NBAS: variants seen among roughly 807,000 people sequenced by gnomAD.
The protein encoded by NBAS is NAG/BC035112 fusion.
Under a neutral mutation model 302.5 loss-of-function variants are expected in NBAS, and 219 were observed. The ratio of observed to expected loss-of-function variants is 0.72; its 90% confidence interval spans 0.65 to 0.81. NBAS has a LOEUF of 0.81. Ranked by LOEUF, NBAS falls within the 30% of genes least tolerant of loss-of-function variation. The pLI is 0.00. For synonymous variants in NBAS, 1,118 were observed against 1,021.6 expected, an observed-to-expected ratio of 1.09 and a Z score of -1.80; for missense variants, 2,932 against 2,841.6, an observed-to-expected ratio of 1.03 and a Z score of -0.72.
At position 15,560,946 on chromosome 2, in the gene NBAS, G is replaced by C. The variant is rs985097610; in HGVS notation, c.117+242C>G. Among the ~76,000 whole-genome samples, 3 of 152,094 alleles carry C rather than the reference G, an allele frequency of 2.0e-5. No individual in the cohort carries two copies. In the South Asian group the frequency reaches 6.2e-4, roughly 32 times the overall value. On this transcript the variant is annotated intron_variant, in intron 1 of 51. Coordinates refer to ENST00000281513, the MANE Select transcript of NBAS (RefSeq NM_015909.4). ...AAAGTGGGATCGTACGCTCCCCAGA[G>C]CACGAAGTTCCAGCCCCCAACAACC...
chr2:14,874,197 A>G, the NBAS span, among the ~76,000 whole-genome samples: 56 of 152,348 alleles, frequency 3.7e-4, no homozygotes, highest in Middle Eastern at 3.4e-3. Context: ...TTAAAGATAC[A>G]GACTCACTCA....
intron 44 of NBAS, among the ~76,000 whole-genome samples, chr2:15,263,376 G>A (rs1294196623): frequency 6.6e-6 from 1 of 152,118 alleles, no homozygotes; most frequent in Non-Finnish European, 1.5e-5. Flanking sequence ...TTACAGATGT[G>A]AGCCACTGCA....
intron 5 of NBAS, among the ~76,000 whole-genome samples, chr2:15,552,393 C>A (rs75972962): frequency 0.02 from 3,086 of 152,274 alleles, 70 homozygotes; most frequent in East Asian, 0.056. Flanking sequence ...TCTACCTCTA[C>A]CACTCTGAGA....
At chr2:14,977,232 A>C in the NBAS span, among the ~76,000 whole-genome samples, 1 of 152,188 alleles carries the variant, frequency 6.6e-6, no homozygotes, top group Non-Finnish European at 1.5e-5. Flanking sequence ...AAAGAGAGAG[A>C]GATCTAGAGA....
the NBAS span, among the ~76,000 whole-genome samples, chr2:15,097,311 G>C: frequency 6.6e-6 from 1 of 152,186 alleles, no homozygotes; most frequent in African/African-American, 2.4e-5. Context: ...AGACCCCTGA[G>C]GGGTAAGTCA....
rs757778082 is a variant in NBAS at position 15,468,384 on chromosome 2, G to C, written c.1875C>G (p.Gly625=). 6.2e-7 allele frequency: 1 copy of C among 1,613,820 alleles called. No individual in the cohort carries two copies. The highest frequency in any genetic ancestry group is 8.5e-7 in the Non-Finnish European group (1 of 1,179,916). Residue 625 remains glycine (G), a splice_region_variant and synonymous_variant, in exon 17 of 52, where the codon GGC becomes GGG. Coordinates refer to ENST00000281513, the MANE Select transcript of NBAS (RefSeq NM_015909.4). ...ATCCAATTCTTTCTGTAACCAACCT[G>C]CCATCATCTGCTCCTTTCCCTATTG... ...LLAIGKGADD[G]RFTLPGEIDI...
chr2:15,034,031 AG>A, the NBAS span, among the ~76,000 whole-genome samples: 1,058 of 39,264 alleles, frequency 0.027, 31 homozygotes, highest in East Asian at 0.088. Flanking sequence ...GAAGAAGAGG[AG>A]GAGGAAGGAG....
At chr2:14,808,379 T>A in the NBAS span, among the ~76,000 whole-genome samples, 2 of 152,128 alleles carry the variant, frequency 1.3e-5, no homozygotes, top group African/African-American at 4.8e-5. Flanking sequence ...CCAAACCTCA[T>A]CTTGTAGCTC....
chr2:15,251,929 T>A (rs1334251285), intron 44 of NBAS, among the ~76,000 whole-genome samples: 1 of 152,164 alleles, frequency 6.6e-6, no homozygotes, highest in African/African-American at 2.4e-5. Context: ...GTTGCTCTGG[T>A]TCAAATGCCG....
At chr2:15,365,107 T>G (rs998291647) in intron 32 of NBAS, among the ~76,000 whole-genome samples, 1 of 152,220 alleles carries the variant, frequency 6.6e-6, no homozygotes, top group African/African-American at 2.4e-5. Context: ...CCTAGCTTTC[T>G]AAGAGTCTAA....
chr2:14,868,442 G>A, the NBAS span, among the ~76,000 whole-genome samples: 1 of 152,146 alleles, frequency 6.6e-6, no homozygotes, highest in Admixed American at 6.5e-5. Context: ...TACCAATATT[G>A]ATTTGAAAAT....
intron 47 of NBAS, among the ~76,000 whole-genome samples, chr2:15,228,057 C>T (rs1356154167): frequency 6.6e-6 from 1 of 152,114 alleles, no homozygotes; most frequent in Non-Finnish European, 1.5e-5. Context: ...AGACAGCCTA[C>T]AGAATTGGAG....
chr2:14,865,305 C>T, the NBAS span, among the ~76,000 whole-genome samples: 3 of 149,778 alleles, frequency 2.0e-5, no homozygotes, highest in South Asian at 6.3e-4. Flanking sequence ...TAGTAATTTA[C>T]ATCTCAGTGG....
chr2:14,899,151 AG>A, the NBAS span, among the ~76,000 whole-genome samples: 1 of 152,204 alleles, frequency 6.6e-6, no homozygotes, highest in East Asian at 1.9e-4. Flanking sequence ...AGAAGCTTCC[AG>A]GTTTTCTTAA....
chr2:14,831,309 G>C, the NBAS span, among the ~76,000 whole-genome samples: 6 of 152,128 alleles, frequency 3.9e-5, no homozygotes, highest in East Asian at 9.6e-4. Context: ...CCTGTTTTAA[G>C]TAACTCAATG....
At chr2:15,167,392 G>A (rs1345591042) in intron 51 of NBAS, 69 bp from the exon 52 acceptor site, 26 of 1,567,266 alleles carry the variant, frequency 1.7e-5, no homozygotes, top group South Asian at 1.4e-4. Context: ...TGGATCCCTC[G>A]CTCTCCACTG....
At chr2:15,514,579 A>G (rs1662300331) in intron 9 of NBAS, among the ~76,000 whole-genome samples, 1 of 151,966 alleles carries the variant, frequency 6.6e-6, no homozygotes, top group Non-Finnish European at 1.5e-5. Flanking sequence ...ATAAATTCCC[A>G]AAGTCCATTA....
chr2:15,538,745 T>C (rs142807382), intron 7 of NBAS, among the ~76,000 whole-genome samples: 1 of 152,328 alleles, frequency 6.6e-6, no homozygotes, highest in African/African-American at 2.4e-5. Flanking sequence ...AATGAGAACA[T>C]CTGCCCAACC....
At position 15,234,758 on chromosome 2, in the gene NBAS, A is replaced by G; in HGVS notation, c.5944-11T>C. On this transcript the variant is annotated splice_polypyrimidine_tract_variant and intron_variant, in intron 45 of 51. Transcript: ENST00000281513. ...TTTTTGCAGTGTTTCCTGTAAAGAC[A>G]TGGTAATCAGCACTTAAGTATCAAA... 6.2e-7 allele frequency: 1 copy of G among 1,612,880 alleles called. No individual in the cohort carries two copies. The highest frequency in any genetic ancestry group is 1.3e-5 in the African/African-American group (1 of 75,046).
Sources: gnomAD v4.1 joint callset for allele counts (sites outside exome capture counted in the v4.1 genomes callset) on GRCh38, gnomAD v4.1.1 for gene constraint, MANE v1.5 for transcripts, NCBI Gene and HGNC (gene_info 2026-07-23, HGNC 2026-07-21) for gene names.